STK33: variants seen among roughly 807,000 people sequenced by gnomAD.
The protein encoded by STK33 is serine/threonine-protein kinase 33.
Under a neutral mutation model 58.0 loss-of-function variants are expected in STK33, and 52 were observed. That is an observed-to-expected ratio of 0.90 (90% CI 0.72 to 1.13). The LOEUF (loss-of-function observed/expected upper bound fraction) is 1.13. STK33 is among the 50% of genes most tolerant of loss of function. STK33 has a pLI of 0.00. For missense variants in STK33, 630 were observed against 604.2 expected (o/e 1.04, Z -0.45); for synonymous variants, 215 against 200.1 (o/e 1.07, Z -0.63).
chr11:8,475,382 T>G (rs937285063), intron 4 of STK33: 1 of 152,556 alleles, frequency 6.6e-6, no homozygotes, highest in African/African-American at 2.4e-5. Context: ...ATAGAGTGTG[T>G]GTGTGCGTGT....
chr11:8,581,490 G>A (rs943929269), intron 1 of STK33, among the ~76,000 whole-genome samples: 4 of 152,086 alleles, frequency 2.6e-5, no homozygotes, highest in Non-Finnish European at 5.9e-5. Flanking sequence ...CTTCCAGCAT[G>A]ATGACTTTCG....
intron 1 of STK33, among the ~76,000 whole-genome samples, chr11:8,562,651 C>A (rs1957192265): frequency 6.6e-6 from 1 of 151,698 alleles, no homozygotes; most frequent in Non-Finnish European, 1.5e-5. Flanking sequence ...TTTGTTGATT[C>A]TCAATTAGTT....
chr11:8,441,189 T>C (rs771119445), intron 11 of STK33, among the ~76,000 whole-genome samples: 7 of 152,164 alleles, frequency 4.6e-5, no homozygotes, highest in Non-Finnish European at 7.3e-5. Context: ...TAAATCACTT[T>C]AGTAAAATAA....
At chr11:8,588,004 C>T (rs975618328) in intron 1 of STK33, among the ~76,000 whole-genome samples, 2 of 152,184 alleles carry the variant, frequency 1.3e-5, no homozygotes, top group African/African-American at 4.8e-5. Flanking sequence ...AGGACACCAG[C>T]AGATCTGATG....
rs781595905 is a variant in STK33 at position 8,473,114 on chromosome 11, T to A, written c.339+49A>T. On this transcript the variant is annotated intron_variant, in intron 6 of 15. Coordinates refer to ENST00000687296, the MANE Select transcript of STK33 (RefSeq NM_001352389.2). ...ATCATTTTTCCTATTAACCATTGAC[T>A]TAGAAGAAACCTGAAAGTTCACAGT... is the stretch of plus-strand genomic sequence containing the variant. The A allele has an allele frequency of 3.3e-6, 4 of 1,228,894 alleles. No homozygotes were observed. In the Admixed American group the frequency reaches 6.1e-5, roughly 19 times the overall value. The allele number at this position is 1,228,894 out of a possible 1,614,324, so 76.1% of individuals were successfully genotyped here.
At chr11:8,361,672 C>T in the STK33 span, among the ~76,000 whole-genome samples, 1 of 152,254 alleles carries the variant, frequency 6.6e-6, no homozygotes. This position sits in a 1 kb window ranked among gnomAD's most constrained non-coding sequence, Gnocchi z 4.8. Flanking sequence ...GTCTCCTCTG[C>T]TTCTTCAGGA....
chr11:8,572,307 C>T (rs1315411794), intron 1 of STK33, among the ~76,000 whole-genome samples: 1 of 152,082 alleles, frequency 6.6e-6, no homozygotes, highest in African/African-American at 2.4e-5. Flanking sequence ...CTGCTCCAGA[C>T]CTGCCCTACT....
At chr11:8,448,300 G>A (rs1471338759) in intron 11 of STK33, among the ~76,000 whole-genome samples, 11 of 151,826 alleles carry the variant, frequency 7.2e-5, no homozygotes, top group South Asian at 2.1e-4. Context: ...TTCATATGGA[G>A]CCAAAAAAGA....
intron 1 of STK33, among the ~76,000 whole-genome samples, chr11:8,486,275 G>A (rs1464430867): frequency 1.3e-5 from 2 of 152,184 alleles, no homozygotes; most frequent in Non-Finnish European, 2.9e-5. Flanking sequence ...GAGCCTGTGT[G>A]ATATGGTCTC....
intron 1 of STK33, among the ~76,000 whole-genome samples, chr11:8,530,276 A>G (rs1432601932): frequency 6.6e-6 from 1 of 152,164 alleles, no homozygotes; most frequent in Admixed American, 6.5e-5. Flanking sequence ...AAGGTCAGAC[A>G]TGGGGAGATA....
chr11:8,543,952 A>G (rs1187410626), intron 1 of STK33, among the ~76,000 whole-genome samples: 3 of 152,200 alleles, frequency 2.0e-5, no homozygotes, highest in Non-Finnish European at 4.4e-5. Context: ...TAAAATGCCC[A>G]TGTGATTTTT....
At chr11:8,411,915 A>G (rs560642010) in intron 15 of STK33, among the ~76,000 whole-genome samples, 2 of 152,358 alleles carry the variant, frequency 1.3e-5, no homozygotes, top group African/African-American at 4.8e-5. Context: ...TAGTTGATGT[A>G]GCTGAGAATC....
At chr11:8,552,869 T>C (rs913316239) in intron 1 of STK33, among the ~76,000 whole-genome samples, 1 of 151,934 alleles carries the variant, frequency 6.6e-6, no homozygotes, top group Middle Eastern at 3.4e-3. Flanking sequence ...GAGTATAATA[T>C]ATGCTGGGTG....
chr11:8,504,731 G>A (rs572138725), intron 1 of STK33, among the ~76,000 whole-genome samples: 59 of 152,204 alleles, frequency 3.9e-4, no homozygotes, highest in African/African-American at 1.4e-3. Flanking sequence ...CCAGGAGTTC[G>A]AGGCTTCAGT....
chr11:8,506,050 T>C (rs1171611998), intron 1 of STK33, among the ~76,000 whole-genome samples: 5 of 152,232 alleles, frequency 3.3e-5, no homozygotes, highest in Non-Finnish European at 5.9e-5. Flanking sequence ...ACTGTATTAT[T>C]ATTTCTGGGC....
At chr11:8,385,900 G>A in the STK33 span, among the ~76,000 whole-genome samples, 2 of 151,630 alleles carry the variant, frequency 1.3e-5, no homozygotes, top group Non-Finnish European at 2.9e-5. Flanking sequence ...TCAGCCTCCC[G>A]AGTAGCTGGG....
At chr11:8,486,566 G>C (rs548601030) in intron 1 of STK33, among the ~76,000 whole-genome samples, 46 of 152,244 alleles carry the variant, frequency 3.0e-4, no homozygotes, top group African/African-American at 1.0e-3. Flanking sequence ...ACTCTGAATT[G>C]TACTTGGTCA....
In STK33 at chr11:8,392,854, T is replaced by C; in HGVS notation, c.1345-144A>G. On this transcript the variant is annotated intron_variant, in intron 15 of 15. Coordinates refer to ENST00000687296, the MANE Select transcript of STK33 (RefSeq NM_001352389.2). ...GTCCAAACTAGTCATATTGTAAAAT[T>C]ATTATTAAATGCCAAAAGATCCTTT... 2.8e-6 allele frequency: 2 copies of C among 718,178 alleles called. 1 individual carries two copies. The highest frequency in any genetic ancestry group is 3.8e-5 in the South Asian group (2 of 52,134). 44.5% of individuals were successfully genotyped at this position (718,178 alleles called of 1,614,324 possible).
At position 8,404,358 on chromosome 11, in the gene STK33, G is replaced by A. The variant is rs1938696727; in HGVS notation, c.1344+9137C>T. Among the ~76,000 whole-genome samples, 3 of 151,992 alleles carry A rather than the reference G, an allele frequency of 2.0e-5. No individual in the cohort carries two copies. In the South Asian group the frequency reaches 6.2e-4, roughly 32 times the overall value. ...TTTGATGAGTTTTGACAAACACTTAGGCCTGTATAACCAACACCACAATCA... is the reference window on the plus strand; with the variant it reads ...TTTGATGAGTTTTGACAAACACTTAAGCCTGTATAACCAACACCACAATCA... On this transcript the variant is annotated intron_variant, in intron 15 of 15. Coordinates refer to ENST00000687296, the MANE Select transcript of STK33 (RefSeq NM_001352389.2).
Sources: gnomAD v4.1 joint callset for allele counts (sites outside exome capture counted in the v4.1 genomes callset) on GRCh38, gnomAD v4.1.1 for gene constraint, Gnocchi (gnomAD v3.1) non-coding constraint, MANE v1.5 for transcripts, NCBI Gene and HGNC (gene_info 2026-07-23, HGNC 2026-07-21) for gene names.